The following FAIM variants were observed in gnomAD, a reference collection of about 807,000 sequenced individuals.
FAIM encodes the protein fas apoptotic inhibitory molecule 1.
Under a neutral mutation model 21.2 loss-of-function variants are expected in FAIM, and 14 were observed. The observed-to-expected ratio is 0.66, with a 90% CI of 0.44 to 1.03. FAIM has a LOEUF of 1.03. Among genes scored for constraint, FAIM ranks in the 50% least tolerant of loss-of-function variants. The probability of loss-of-function intolerance (pLI) is 0.00; values close to 1 mark genes in which losing one functional copy is unlikely to be tolerated. For synonymous variants in FAIM, 86 were observed against 80.4 expected (o/e 1.07, Z -0.37); for missense variants, 222 against 247.1 (o/e 0.90, Z 0.68).
chr3:138,609,542 CT>C (rs1357395974), intron 1 of FAIM, among the ~76,000 whole-genome samples: 63 of 26,890 alleles, frequency 2.3e-3, no homozygotes, highest in African/African-American at 0.011. Flanking sequence ...AACTCTCTCT[CT>C]CTCTCTCTCT....
intron 5 of FAIM, among the ~76,000 whole-genome samples, chr3:138,631,732 C>T (rs994571247): frequency 1.3e-5 from 2 of 152,142 alleles, no homozygotes; most frequent in African/African-American, 4.8e-5. Context: ...CAAGAAGCTA[C>T]GTATATAGAT....
chr3:138,620,384 C>A (rs931281465), intron 2 of FAIM, among the ~76,000 whole-genome samples: 6 of 152,050 alleles, frequency 3.9e-5, no homozygotes, highest in South Asian at 2.1e-4. Flanking sequence ...AAAGATACAC[C>A]AATATCAAAA....
chr3:138,612,250 G>A (rs989856148), intron 1 of FAIM, among the ~76,000 whole-genome samples: 2 of 151,968 alleles, frequency 1.3e-5, no homozygotes, highest in Admixed American at 6.6e-5. Context: ...ACAGGCGCCC[G>A]CCACCACGCC....
chr3:138,622,418 T>C lies in FAIM; in HGVS notation c.406+2T>C, dbSNP rs1191431598. 1 of 1,575,884 alleles carries C rather than the reference T, an allele frequency of 6.3e-7. No individual in the cohort carries two copies. The highest frequency in any genetic ancestry group is 2.2e-5 in the East Asian group (1 of 44,466). ...GTGAGAACTTTAGAATTGTTTTGGGTAAGTTAGTGCTGTTTCCGCAGAACT... is the reference window on the plus strand; with the variant it reads ...GTGAGAACTTTAGAATTGTTTTGGGCAAGTTAGTGCTGTTTCCGCAGAACT... On this transcript the variant is annotated splice_donor_variant, in intron 4 of 5. Coordinates refer to ENST00000360570, the MANE Select transcript of FAIM (RefSeq NM_001033031.2). LOFTEE classifies it high-confidence loss of function.
rs144955270 is a variant in FAIM at position 138,612,925 on chromosome 3, G to A, written c.-17+3988G>A. On this transcript the variant is annotated intron_variant, in intron 1 of 5. Coordinates refer to ENST00000360570, the MANE Select transcript of FAIM (RefSeq NM_001033031.2). ...TGTTGTTTTGATTTGCATTTCTGTC[G>A]TGATTAATGTTGTTTAGCATCTTTT... Among the ~76,000 whole-genome samples, 125 of 151,836 alleles carry A rather than the reference G, an allele frequency of 8.2e-4. 1 individual carries two copies. In the East Asian group the frequency reaches 0.021, roughly 26 times the overall value.
At chr3:138,619,254 G>T (rs544687340) in intron 1 of FAIM, among the ~76,000 whole-genome samples, 2 of 152,262 alleles carry the variant, frequency 1.3e-5, no homozygotes, top group South Asian at 4.2e-4. Context: ...TTTTAAATTA[G>T]TTGCCACTTT....
At chr3:138,617,205 T>C (rs1255130414) in intron 1 of FAIM, among the ~76,000 whole-genome samples, 2 of 151,666 alleles carry the variant, frequency 1.3e-5, no homozygotes, top group Non-Finnish European at 2.9e-5. Flanking sequence ...GAATTCCTTA[T>C]AATAGAAAAC....
At chr3:138,621,684 CATAGTT>C (rs1291867731) in intron 3 of FAIM, 145 bp downstream of exon 3, 3 of 647,508 alleles carry the variant, frequency 4.6e-6, no homozygotes, top group African/African-American at 1.9e-5. Flanking sequence ...GTAAAGCAAA[CATAGTT>C]ATAGAATTCA....
At chr3:138,616,128 C>T (rs572805304) in intron 1 of FAIM, among the ~76,000 whole-genome samples, 4 of 152,196 alleles carry the variant, frequency 2.6e-5, no homozygotes, top group Admixed American at 6.5e-5. Flanking sequence ...CTGATTTCCC[C>T]GTAATGAAGG....
chr3:138,617,509 ATG>A (rs2042837493), intron 1 of FAIM, among the ~76,000 whole-genome samples: 1 of 146,988 alleles, frequency 6.8e-6, no homozygotes, highest in African/African-American at 2.5e-5. Context: ...CAAAACAGAT[ATG>A]TATATCTATA....
intron 2 of FAIM, 166 bp from the exon 3 acceptor site, chr3:138,621,241 A>G (rs2042881517): frequency 1.5e-6 from 1 of 658,102 alleles, no homozygotes; most frequent in Admixed American, 3.0e-5. Flanking sequence ...AGTGAATAAG[A>G]GGGAGAAAAT....
chr3:138,623,130 G>C (rs1164889020), intron 4 of FAIM, among the ~76,000 whole-genome samples: 2 of 151,856 alleles, frequency 1.3e-5, no homozygotes, highest in East Asian at 1.9e-4. Flanking sequence ...GGAAATTTAG[G>C]ATTTATCAGT....
rs757114095 is a variant in FAIM, at chr3:138,629,138, T to C, written c.438T>C (p.Gly146=). 8 of 1,611,938 alleles carry C rather than the reference T, an allele frequency of 5.0e-6. No homozygotes were observed. Among genetic ancestry groups the C allele is most frequent in the South Asian group, 2.2e-5 (2 of 90,936 alleles). ...EKDAMDVWCN[G]KKLETAGEFV... is the part of the protein sequence containing the mutation. ...ATGCTATGGACGTATGGTGCAATGG[T>C]AAAAAATTGGAGACAGCGGTAAGTT... is the stretch of plus-strand genomic sequence containing the variant. The change falls in exon 5 of 6, where the codon GGT becomes GGC. Residue 146 remains glycine, a synonymous_variant. Coordinates refer to ENST00000360570, the MANE Select transcript of FAIM (RefSeq NM_001033031.2).
In FAIM at chr3:138,622,204, A is replaced by C; in HGVS notation, c.194A>C (p.Glu65Ala). 1 of 1,606,122 alleles carries C rather than the reference A, an allele frequency of 6.2e-7. No homozygotes were observed. Among genetic ancestry groups the C allele is most frequent in the Non-Finnish European group, 8.5e-7 (1 of 1,176,734 alleles). The change falls in exon 4 of 6, where the codon GAG becomes GCG. Residue 65 changes from glutamate to alanine, a missense_variant. Glu to Ala is a moderately radical substitution (Grantham distance 107). Transcript: ENST00000360570. ...ATTATGTAGGAAGAGATAAGAAAAGAGTGGATGTTCAAATTAGTGGGCAAA... is the reference window on the plus strand; with the variant it reads ...ATTATGTAGGAAGAGATAAGAAAAGCGTGGATGTTCAAATTAGTGGGCAAA... ...YVDGKEEIRK[E>A]WMFKLVGKET... is the part of the protein sequence containing the mutation.
chr3:138,609,895 G>T (rs768927504), intron 1 of FAIM, among the ~76,000 whole-genome samples: 1 of 152,186 alleles, frequency 6.6e-6, no homozygotes, highest in East Asian at 1.9e-4. Context: ...ATACCACAAG[G>T]CTTCTGGTAT....
At chr3:138,631,452 G>A (rs2108360017) in intron 5 of FAIM, among the ~76,000 whole-genome samples, 1 of 152,106 alleles carries the variant, frequency 6.6e-6, no homozygotes, top group South Asian at 2.1e-4. Context: ...GTTGTAAAAA[G>A]GTGAAAATAA....
chr3:138,625,716 A>C (rs1356454806), intron 4 of FAIM, among the ~76,000 whole-genome samples: 1 of 152,210 alleles, frequency 6.6e-6, no homozygotes, highest in Non-Finnish European at 1.5e-5. Flanking sequence ...ATACTATACT[A>C]GGCACTTTAT....
intron 1 of FAIM, among the ~76,000 whole-genome samples, chr3:138,609,775 T>G (rs2042748088): frequency 6.6e-6 from 1 of 151,974 alleles, no homozygotes; most frequent in South Asian, 2.1e-4. Flanking sequence ...TTTTAGTTAT[T>G]GCAAAAAGTA....
intron 5 of FAIM, 112 bp downstream of exon 5, chr3:138,629,268 A>C: frequency 1.1e-6 from 1 of 888,878 alleles, no homozygotes. Context: ...CTCTTGATAA[A>C]AACAAAAAAG....
Sources: gnomAD v4.1 joint callset for allele counts (sites outside exome capture counted in the v4.1 genomes callset) on GRCh38, gnomAD v4.1.1 for gene constraint, MANE v1.5 for transcripts, NCBI Gene and HGNC (gene_info 2026-07-23, HGNC 2026-07-21) for gene names.